The following PROM1 variants were observed in gnomAD, a reference collection of about 807,000 sequenced individuals.
PROM1 encodes prominin-1.
A neutral mutation model predicts 116.9 loss-of-function variants in PROM1; 105 were observed. That is an observed-to-expected ratio of 0.90 (90% CI 0.77 to 1.06). The LOEUF is 1.06. Ranked by LOEUF, PROM1 falls within the 50% of genes least tolerant of loss-of-function variation. PROM1 has a pLI of 0.00. For synonymous variants in PROM1, 393 were observed against 387.0 expected (o/e 1.02, Z -0.18); for missense variants, 1,122 against 1,045.2 (o/e 1.07, Z -1.01).
chr4:15,999,278 T>C (rs1723109754), intron 14 of PROM1, among the ~76,000 whole-genome samples: 1 of 151,950 alleles, frequency 6.6e-6, no homozygotes, highest in Admixed American at 6.6e-5. Flanking sequence ...GAGACCATCC[T>C]GGCTAACGTG....
At chr4:16,004,084 T>C (rs1724575457) in intron 13 of PROM1, among the ~76,000 whole-genome samples, 1 of 152,268 alleles carries the variant, frequency 6.6e-6, no homozygotes, top group African/African-American at 2.4e-5. Flanking sequence ...ATTAGACTGA[T>C]GACGCTTGTA....
rs753213305 is a variant in PROM1 at position 16,033,536 on chromosome 4, C to A, written c.304-27G>T. The stretch of plus-strand genomic sequence containing the variant: ...TGCAATTCAAACAAAAGAAACAGCA[C>A]ATATTGTAGCACAAAATAATAAGTA... On this transcript the variant is annotated intron_variant, in intron 4 of 27. Transcript: ENST00000447510. 50 of 1,396,580 alleles carry A rather than the reference C, an allele frequency of 3.6e-5. No homozygotes were observed. In the African/African-American group the frequency reaches 6.3e-4, roughly 17 times the overall value. 86.5% of individuals were successfully genotyped at this position (1,396,580 alleles called of 1,614,324 possible).
chr4:16,078,253 G>A (rs1261467081), intron 1 of PROM1: 9 of 152,242 alleles, frequency 5.9e-5, no homozygotes, highest in Admixed American at 6.5e-5. Context: ...GCACGTAGTC[G>A]GTGTTTAGTA....
intron 2 of PROM1, among the ~76,000 whole-genome samples, chr4:16,057,613 G>T (rs1739350103): frequency 6.6e-6 from 1 of 152,160 alleles, no homozygotes; most frequent in East Asian, 1.9e-4. Context: ...CAAGGCTAAA[G>T]AAACTTCTTT....
intron 26 of PROM1, among the ~76,000 whole-genome samples, chr4:15,974,271 G>A (rs756906384): frequency 2.0e-5 from 3 of 151,946 alleles, no homozygotes; most frequent in Non-Finnish European, 2.9e-5. Context: ...CACTTGCTCC[G>A]CAGACTGTGG....
At chr4:16,025,892 A>T (rs1731148456) in intron 5 of PROM1, among the ~76,000 whole-genome samples, 2 of 152,256 alleles carry the variant, frequency 1.3e-5, no homozygotes, top group African/African-American at 4.8e-5. Flanking sequence ...TTAGCATTAA[A>T]ATGGTATGTG....
intron 2 of PROM1, among the ~76,000 whole-genome samples, chr4:16,042,409 C>T (rs149888717): frequency 6.6e-6 from 1 of 152,020 alleles, no homozygotes; most frequent in Non-Finnish European, 1.5e-5. Context: ...CAAAAGCCTG[C>T]GTGGAAAAAG....
intron 15 of PROM1, among the ~76,000 whole-genome samples, chr4:15,998,073 C>A (rs1297763875): frequency 1.3e-5 from 2 of 152,126 alleles, no homozygotes; most frequent in Non-Finnish European, 2.9e-5. Context: ...TTACTTAGAG[C>A]AATGTGGTTC....
At position 15,983,968 on chromosome 4, in the gene PROM1, A is replaced by G. The variant is rs114154129; in HGVS notation, c.2373+295T>C. Among the ~76,000 whole-genome samples, 423 of 152,306 alleles carry G rather than the reference A, an allele frequency of 2.8e-3. 3 individuals carry two copies. Among genetic ancestry groups the G allele is most frequent in the African/African-American group, 9.7e-3 (404 of 41,560 alleles). ...TGTAGTTGTACTGAGTATTCTTTTGAAGATGAGAAATCTGCACACCCGTGA... is the reference window on the plus strand; with the variant it reads ...TGTAGTTGTACTGAGTATTCTTTTGGAGATGAGAAATCTGCACACCCGTGA... On this transcript the variant is annotated intron_variant, in intron 23 of 27. Transcript: ENST00000447510.
intron 8 of PROM1, among the ~76,000 whole-genome samples, chr4:16,020,499 T>C: frequency 6.6e-6 from 1 of 152,004 alleles, no homozygotes. Flanking sequence ...CAACCAGAAA[T>C]ACACAGAAAT....
chr4:15,977,395 A>G (rs1263205552), intron 26 of PROM1, among the ~76,000 whole-genome samples: 2 of 152,134 alleles, frequency 1.3e-5, no homozygotes, highest in African/African-American at 2.4e-5. Context: ...GTCCATATAT[A>G]TAAGACACCC....
chr4:15,993,335 G>A (rs936524520), intron 16 of PROM1, among the ~76,000 whole-genome samples: 1 of 152,174 alleles, frequency 6.6e-6, no homozygotes, highest in Non-Finnish European at 1.5e-5. Flanking sequence ...CTCCAGGTAC[G>A]GGGAGTGGGG....
chr4:16,039,381 A>G (rs973948537), intron 2 of PROM1, among the ~76,000 whole-genome samples: 1 of 152,262 alleles, frequency 6.6e-6, no homozygotes, highest in African/African-American at 2.4e-5. Context: ...TTTATTGTTC[A>G]ATAATTCCAC....
chr4:16,055,175 C>T (rs1412835917), intron 2 of PROM1: 2 of 297,688 alleles, frequency 6.7e-6, no homozygotes. Flanking sequence ...AAGAACCTAG[C>T]ATTCTCCTAG....
intron 1 of PROM1, chr4:16,082,459 G>T (rs555924158): frequency 6.6e-6 from 1 of 152,302 alleles, no homozygotes; most frequent in South Asian, 2.1e-4. Context: ...AGTCGCCTTA[G>T]CGGGCTCCAG....
intron 23 of PROM1, 83 bp downstream of exon 23, chr4:15,984,180 A>G: frequency 8.8e-7 from 1 of 1,130,352 alleles, no homozygotes; most frequent in Non-Finnish European, 1.3e-6. Flanking sequence ...CAGAAAACAA[A>G]TATTATAATG....
rs1725692038 is a variant in PROM1, at chr4:16,007,040, A to G, written c.1302-350T>C. ...GGCTACTGATGAAAACACCCTTAAGATTTTTATGTTCTTTTAAGGCCTCTG... is the reference window on the plus strand; with the variant it reads ...GGCTACTGATGAAAACACCCTTAAGGTTTTTATGTTCTTTTAAGGCCTCTG... On this transcript the variant is annotated intron_variant, in intron 12 of 27. Coordinates refer to ENST00000447510, the MANE Select transcript of PROM1 (RefSeq NM_006017.3). 3.3e-5 allele frequency among the ~76,000 whole-genome samples: 5 copies of G among 152,126 alleles called. No individual in the cohort carries two copies. The South Asian group carries it at 1.0e-3, about 32-fold the overall frequency.
At chr4:16,019,075 CT>C (rs1338159297) in intron 8 of PROM1, among the ~76,000 whole-genome samples, 1 of 152,238 alleles carries the variant, frequency 6.6e-6, no homozygotes, top group Non-Finnish European at 1.5e-5. Context: ...CTGAACCACT[CT>C]GAGCCAATTT....
intron 26 of PROM1, among the ~76,000 whole-genome samples, chr4:15,978,489 C>G: frequency 6.6e-6 from 1 of 152,188 alleles, no homozygotes; most frequent in Non-Finnish European, 1.5e-5. Flanking sequence ...CTGGGAGGCT[C>G]TAAATATAAA....
Sources: gnomAD v4.1 joint callset for allele counts (sites outside exome capture counted in the v4.1 genomes callset) on GRCh38, gnomAD v4.1.1 for gene constraint, MANE v1.5 for transcripts, NCBI Gene and HGNC (gene_info 2026-07-23, HGNC 2026-07-21) for gene names.